Variants in MRPL49 observed in about 807,000 individuals in gnomAD.
MRPL49 encodes mitochondrial ribosomal protein L49.
In MRPL49, 14 loss-of-function variants were observed where a neutral mutation model predicts 18.4. The observed-to-expected ratio is 0.76, with a 90% CI of 0.50 to 1.19. The LOEUF (loss-of-function observed/expected upper bound fraction) is 1.19. Ranked by LOEUF, MRPL49 falls within the 50% of genes most tolerant of loss-of-function variation. MRPL49 has a pLI of 0.00. For synonymous variants in MRPL49, 104 were observed against 86.2 expected (o/e 1.21, Z -1.14); for missense variants, 190 against 217.8 (o/e 0.87, Z 0.80).
In MRPL49 at chr11:65,126,940, C is replaced by T. The variant is rs939362650; in HGVS notation, c.*1068C>T. Reference sequence around the variant, plus strand: ...CTTTCACCCTGCCATCCCATCCCAACCCCAGCTCACTAGCCTTCATATATG... The same window carrying T: ...CTTTCACCCTGCCATCCCATCCCAATCCCAGCTCACTAGCCTTCATATATG... On this transcript the variant is annotated 3_prime_UTR_variant, in exon 4 of 4. Coordinates refer to ENST00000279242, the MANE Select transcript of MRPL49 (RefSeq NM_004927.4). 3.0e-6 allele frequency: 2 copies of T among 662,478 alleles called. No homozygotes were observed. Among genetic ancestry groups the T allele is most frequent in the Admixed American group, 4.4e-5 (2 of 45,318 alleles). The allele number at this position is 662,478 out of a possible 1,614,324, so 41.0% of individuals were successfully genotyped here.
intron 1 of MRPL49, 22 bp downstream of exon 1, chr11:65,122,446 C>T: frequency 6.2e-7 from 1 of 1,603,216 alleles, no homozygotes; most frequent in Non-Finnish European, 8.5e-7. Context: ...GAGCGAGGAG[C>T]TGAGGGCATC....
Position 65,125,489 on chromosome 11 carries a change from C to A in MRPL49, c.231C>A (p.Asp77Glu), listed in dbSNP as rs762059262. 2 of 1,613,234 alleles carry A rather than the reference C, an allele frequency of 1.2e-6. No individual in the cohort carries two copies. The highest frequency in any genetic ancestry group is 2.2e-5 in the South Asian group (2 of 90,990). The change falls in exon 3 of 4, where the codon GAC becomes GAA. Residue 77 changes from aspartate (D) to glutamate (E), a missense_variant and splice_region_variant. By Grantham distance (45) the Asp-to-Glu change is conservative (BLOSUM62 2). Transcript: ENST00000279242. The stretch of plus-strand genomic sequence containing the variant: ...TAACAGTGTCTTTCCCTGTTGCAGA[C>A]CCCCCACCCAACCTGCCTTACTTTG... Reference protein sequence around the residue: ...PTPSGWQPPRDPPPNLPYFVR... With the variant: ...PTPSGWQPPREPPPNLPYFVR...
intron 2 of MRPL49, 131 bp from the exon 3 acceptor site, chr11:65,125,357 T>C (rs1590822921): frequency 1.7e-6 from 2 of 1,173,202 alleles, no homozygotes; most frequent in Admixed American, 2.3e-5. Context: ...GGAGACCCCC[T>C]GACCTAAAGT....
chr11:65,122,553 TTG>T, intron 1 of MRPL49, 129 bp downstream of exon 1: 1 of 804,332 alleles, frequency 1.2e-6, no homozygotes, highest in Admixed American at 2.4e-5. Context: ...TCAGGAGAAC[TTG>T]TCCCGAGTGT....
At chr11:65,123,882 A>ATTTGT (rs755873128) in intron 1 of MRPL49, among the ~76,000 whole-genome samples, 10 of 152,032 alleles carry the variant, frequency 6.6e-5, no homozygotes, top group East Asian at 5.8e-4. Flanking sequence ...CCATGCAGGA[A>ATTTGT]TTTGTTTTGT....
chr11:65,125,243 C>G, intron 2 of MRPL49: 1 of 505,202 alleles, frequency 2.0e-6, no homozygotes, highest in South Asian at 2.6e-5. Flanking sequence ...AGGCATGTCC[C>G]TGATTTCATT....
chr11:65,125,251 A>C (rs1948088163), intron 2 of MRPL49: 3 of 513,784 alleles, frequency 5.8e-6, no homozygotes, highest in Non-Finnish European at 1.0e-5. Context: ...CCCTGATTTC[A>C]TTTTTTCTTG....
chr11:65,122,263 C>A (rs1488639436), upstream of MRPL49: 5 of 1,492,098 alleles, frequency 3.4e-6, no homozygotes, highest in Middle Eastern at 2.3e-4. Context: ...CTCGCACCGG[C>A]GAACCTGCCT....
At chr11:65,123,259 C>G (rs1429168916) in intron 1 of MRPL49, among the ~76,000 whole-genome samples, 1 of 152,194 alleles carries the variant, frequency 6.6e-6, no homozygotes, top group Non-Finnish European at 1.5e-5. Context: ...TCCTGAGAGG[C>G]AGACCATTCA....
Position 65,126,019 on chromosome 11 carries a change from A to G in MRPL49, c.*147A>G. On this transcript the variant is annotated 3_prime_UTR_variant, in exon 4 of 4. Coordinates refer to ENST00000279242, the MANE Select transcript of MRPL49 (RefSeq NM_004927.4). ...CTTTGGGGTCAGGCCTTGCTTGCAT[A>G]AAGGAGAAAACAACTCTATGTACAT... 1.1e-6 allele frequency: 1 copy of G among 916,906 alleles called. No homozygotes were observed. Among genetic ancestry groups the G allele is most frequent in the Non-Finnish European group, 1.6e-6 (1 of 623,724 alleles). 56.8% of individuals were successfully genotyped at this position (916,906 alleles called of 1,614,324 possible).
At chr11:65,122,966 G>T (rs1303256117) in intron 1 of MRPL49, among the ~76,000 whole-genome samples, 1 of 152,038 alleles carries the variant, frequency 6.6e-6, no homozygotes, top group African/African-American at 2.4e-5. Flanking sequence ...TGATCCGCCC[G>T]CCTCGGCCTC....
In MRPL49 at chr11:65,126,920, A is replaced by ACCCTG; in HGVS notation, c.*1051_*1055dup. ...GCAGGCAGGAATATGCTGACCTTTCACCCTGCCATCCCATCCCAACCCCAG... is the reference window on the plus strand; with the variant it reads ...GCAGGCAGGAATATGCTGACCTTTCACCCTGCCCTGCCATCCCATCCCAACCCCAG... On this transcript the variant is annotated 3_prime_UTR_variant, in exon 4 of 4. Coordinates refer to ENST00000279242, the MANE Select transcript of MRPL49 (RefSeq NM_004927.4). The ACCCTG allele has an allele frequency of 1.6e-6, 1 of 644,854 alleles. No homozygotes were observed. The highest frequency in any genetic ancestry group is 2.8e-6 in the Non-Finnish European group (1 of 353,230). The allele number at this position is 644,854 out of a possible 1,614,324, so 39.9% of individuals were successfully genotyped here.
chr11:65,124,518 C>T lies in MRPL49; in HGVS notation c.95C>T (p.Pro32Leu). Residue 32 changes from proline to leucine, a missense_variant, in exon 2 of 4, where the codon CCT becomes CTT. Physicochemically the swap from Pro to Leu is moderately conservative, Grantham distance 98. Transcript: ENST00000279242. ...GLRLLSQTQGPPDYPRFVESV... is the reference protein window; with the variant it reads ...GLRLLSQTQGLPDYPRFVESV... ...TTGCTTCAGAGCCAGACCCAGGGCCCTCCAGATTACCCCAGGTTTGTGGAG... is the reference window on the plus strand; with the variant it reads ...TTGCTTCAGAGCCAGACCCAGGGCCTTCCAGATTACCCCAGGTTTGTGGAG... 6.2e-7 allele frequency: 1 copy of T among 1,614,148 alleles called. No homozygotes were observed. Among genetic ancestry groups the T allele is most frequent in the Non-Finnish European group, 8.5e-7 (1 of 1,180,022 alleles).
Position 65,127,021 on chromosome 11 carries a change from C to G in MRPL49, c.*1149C>G. 2.9e-6 allele frequency: 2 copies of G among 701,624 alleles called. No individual in the cohort carries two copies. Among genetic ancestry groups the G allele is most frequent in the South Asian group, 3.0e-5 (2 of 67,438 alleles). 43.5% of individuals were successfully genotyped at this position (701,624 alleles called of 1,614,324 possible). A position where few individuals can be genotyped will look rare whatever the true frequency, so the allele number is the denominator to read the frequency against. On this transcript the variant is annotated 3_prime_UTR_variant, in exon 4 of 4. Coordinates refer to ENST00000279242, the MANE Select transcript of MRPL49 (RefSeq NM_004927.4). ...CCTGAGACCCCACCCTGCCCCCAAA[C>G]TGGCTAAGACAGCTTTCAGTTCCTG...
upstream of MRPL49, chr11:65,122,286 C>A (rs368211890): frequency 3.3e-3 from 5,136 of 1,576,724 alleles, 15 homozygotes; most frequent in Non-Finnish European, 3.6e-3. Context: ...GCAGGCAGCT[C>A]GCGCAGGACG....
chr11:65,124,944 A>G (rs3782095), intron 2 of MRPL49: 6,146 of 349,540 alleles, frequency 0.018, 249 homozygotes, highest in East Asian at 0.11. Flanking sequence ...CCAGCAGACT[A>G]TGTACTGTAA....
Position 65,125,480 on chromosome 11 carries a change from T to C in MRPL49, c.230-8T>C. On this transcript the variant is annotated splice_region_variant and splice_polypyrimidine_tract_variant and intron_variant, in intron 2 of 3. Coordinates refer to ENST00000279242, the MANE Select transcript of MRPL49 (RefSeq NM_004927.4). ...GAGTTGATTTAACAGTGTCTTTCCC[T>C]GTTGCAGACCCCCCACCCAACCTGC... The C allele has an allele frequency of 6.2e-7, 1 of 1,613,400 alleles. No individual in the cohort carries two copies. Among genetic ancestry groups the C allele is most frequent in the South Asian group, 1.1e-5 (1 of 91,002 alleles).
chr11:65,122,581 AG>A, intron 1 of MRPL49, 157 bp downstream of exon 1: 1 of 668,470 alleles, frequency 1.5e-6, no homozygotes, highest in Non-Finnish European at 2.5e-6. Flanking sequence ...TAGAATCGAG[AG>A]GGAAAATGGT....
Position 65,125,945 on chromosome 11 carries a change from G to A in MRPL49, c.*73G>A. The A allele has an allele frequency of 6.6e-7, 1 of 1,515,680 alleles. No individual in the cohort carries two copies. The highest frequency in any genetic ancestry group is 8.9e-7 in the Non-Finnish European group (1 of 1,127,406). The allele number at this position is 1,515,680 out of a possible 1,614,324, so 93.9% of individuals were successfully genotyped here. A position where few individuals can be genotyped will look rare whatever the true frequency, so the allele number is the denominator to read the frequency against. On this transcript the variant is annotated 3_prime_UTR_variant, in exon 4 of 4. Transcript: ENST00000279242. ...TAGGGGGCCTCAGGAGGAGGGAGGT[G>A]GGTGTTGGAGCCCCTGAGACAGGGG...
Sources: gnomAD v4.1 joint callset for allele counts (sites outside exome capture counted in the v4.1 genomes callset) on GRCh38, gnomAD v4.1.1 for gene constraint, MANE v1.5 for transcripts, NCBI Gene and HGNC (gene_info 2026-07-23, HGNC 2026-07-21) for gene names.